Variants in ERC2 observed in about 807,000 individuals in gnomAD.
ERC2 encodes the protein ERC protein 2.
A neutral mutation model predicts 114.8 loss-of-function variants in ERC2; 42 were observed. The ratio of observed to expected loss-of-function variants is 0.37; its 90% CI spans 0.29 to 0.47. The LOEUF is 0.47. Among genes scored for constraint, ERC2 ranks in the 20% least tolerant of loss-of-function variants. ERC2 has a pLI of 0.99. For synonymous variants in ERC2, 454 were observed against 425.5 expected, an observed-to-expected ratio of 1.07 and a Z score of -0.82; for missense variants, 939 against 1,150.7, an observed-to-expected ratio of 0.82 and a Z score of 2.66.
At chr3:55,850,684 G>T (rs1375208235) in intron 14 of ERC2, among the ~76,000 whole-genome samples, 4 of 152,000 alleles carry the variant, frequency 2.6e-5, no homozygotes, top group Non-Finnish European at 4.4e-5. Flanking sequence ...ATAACATATG[G>T]GCCATTGCAG....
chr3:56,417,626 A>G (rs1425756403), intron 2 of ERC2, among the ~76,000 whole-genome samples: 1 of 152,226 alleles, frequency 6.6e-6, no homozygotes, highest in Non-Finnish European at 1.5e-5. Flanking sequence ...CATCTATTTT[A>G]CAGGTAAGGA....
intron 1 of ERC2, among the ~76,000 whole-genome samples, chr3:56,450,814 C>G (rs557454712): frequency 6.6e-6 from 1 of 151,990 alleles, no homozygotes; most frequent in Non-Finnish European, 1.5e-5. Context: ...CTGGGTGACA[C>G]AGAGAGACCT....
chr3:56,414,363 C>T (rs73832734), intron 2 of ERC2, among the ~76,000 whole-genome samples: 6,956 of 152,206 alleles, frequency 0.046, 394 homozygotes, highest in African/African-American at 0.13. Flanking sequence ...CAAAACAAGG[C>T]CCTTTCCCAT....
At chr3:56,227,313 T>C (rs745658545) in intron 3 of ERC2, among the ~76,000 whole-genome samples, 2 of 151,922 alleles carry the variant, frequency 1.3e-5, no homozygotes, top group African/African-American at 4.8e-5. Context: ...CCTGGGCAGT[T>C]TTTCTAAAGC....
chr3:55,547,506 A>T (rs1382606160), intron 17 of ERC2, among the ~76,000 whole-genome samples: 2 of 152,178 alleles, frequency 1.3e-5, no homozygotes, highest in East Asian at 3.9e-4. Context: ...AAACCAGTTT[A>T]AGGTCTTCTT....
At chr3:55,847,861 C>T (rs577417398) in intron 14 of ERC2, among the ~76,000 whole-genome samples, 19 of 152,176 alleles carry the variant, frequency 1.2e-4, no homozygotes, top group South Asian at 1.0e-3. Flanking sequence ...TGCGGTGGTG[C>T]GATCACAGCT....
chr3:55,548,095 G>T (rs997358358), intron 17 of ERC2, among the ~76,000 whole-genome samples: 1 of 152,218 alleles, frequency 6.6e-6, no homozygotes, highest in Non-Finnish European at 1.5e-5. Flanking sequence ...ACAGCAGGAG[G>T]TCTCCTCCAA....
chr3:56,007,430 A>G, intron 9 of ERC2, 109 bp from the exon 10 acceptor site: 12 of 1,002,684 alleles, frequency 1.2e-5, no homozygotes, highest in Non-Finnish European at 1.6e-5. Context: ...CAGTAGACAG[A>G]AAGGGTAAAT....
chr3:55,641,780 T>C (rs992885133), intron 17 of ERC2, among the ~76,000 whole-genome samples: 2 of 152,090 alleles, frequency 1.3e-5, no homozygotes, highest in African/African-American at 4.8e-5. Flanking sequence ...AGAGCAGAAA[T>C]TTCAACTTTA....
At position 55,622,928 on chromosome 3, in the gene ERC2, A is replaced by G. The variant is rs557387940; in HGVS notation, c.*39+60866T>C. ...CAAACCCAGAAAATGTTTCTAAACCAGAACATTCTGATTCAACACAAAATT... is the reference window on the plus strand; with the variant it reads ...CAAACCCAGAAAATGTTTCTAAACCGGAACATTCTGATTCAACACAAAATT... On this transcript the variant is annotated intron_variant, in intron 17 of 17. Coordinates refer to ENST00000288221, the MANE Select transcript of ERC2 (RefSeq NM_015576.3). Among the ~76,000 whole-genome samples the G allele has an allele frequency of 1.4e-4, 22 of 152,270 alleles. No homozygotes were observed. The Middle Eastern group carries it at 0.014, about 94-fold the overall frequency.
At chr3:56,260,335 G>C (rs1397063346) in intron 3 of ERC2, among the ~76,000 whole-genome samples, 1 of 137,466 alleles carries the variant, frequency 7.3e-6, no homozygotes, top group Non-Finnish European at 1.6e-5. Flanking sequence ...TAAAAGTTAA[G>C]TGAAAAGCTT....
intron 17 of ERC2, among the ~76,000 whole-genome samples, chr3:55,542,411 C>A (rs548315008): frequency 3.3e-5 from 5 of 152,248 alleles, no homozygotes; most frequent in Non-Finnish European, 5.9e-5. Flanking sequence ...ATTGGTTAAG[C>A]CAGCCTTGGG....
At chr3:55,850,294 A>G (rs924922031) in intron 14 of ERC2, among the ~76,000 whole-genome samples, 5 of 152,228 alleles carry the variant, frequency 3.3e-5, no homozygotes, top group Non-Finnish European at 7.3e-5. Context: ...AATAAAGTCC[A>G]TTCTGAGGTT....
chr3:56,449,599 A>C (rs930940929), intron 1 of ERC2, among the ~76,000 whole-genome samples: 7 of 152,238 alleles, frequency 4.6e-5, no homozygotes, highest in African/African-American at 1.7e-4. Context: ...AAAAAGGAAA[A>C]GAGGAGCCTC....
At chr3:56,067,939 T>C (rs1414236040) in intron 7 of ERC2, among the ~76,000 whole-genome samples, 1 of 152,224 alleles carries the variant, frequency 6.6e-6, no homozygotes, top group Non-Finnish European at 1.5e-5. Context: ...GGATTCAGTT[T>C]GCCAGTATAT....
intron 17 of ERC2, among the ~76,000 whole-genome samples, chr3:55,663,733 T>C (rs1408377805): frequency 6.6e-6 from 1 of 152,208 alleles, no homozygotes; most frequent in Non-Finnish European, 1.5e-5. Flanking sequence ...TTTTTTACTT[T>C]TATAGTTCTA....
At chr3:56,245,907 C>T (rs2051664058) in intron 3 of ERC2, among the ~76,000 whole-genome samples, 1 of 152,030 alleles carries the variant, frequency 6.6e-6, no homozygotes, top group African/African-American at 2.4e-5. Flanking sequence ...GAGATAGCTC[C>T]AGACATGGCA....
chr3:56,118,794 G>C (rs373278037), intron 6 of ERC2, among the ~76,000 whole-genome samples: 1 of 151,798 alleles, frequency 6.6e-6, no homozygotes, highest in South Asian at 2.1e-4. Context: ...CCGCCACCAC[G>C]CCCGGCTAAT....
intron 4 of ERC2, among the ~76,000 whole-genome samples, chr3:56,162,536 G>A (rs1172424716): frequency 6.6e-6 from 1 of 151,978 alleles, no homozygotes; most frequent in Non-Finnish European, 1.5e-5. Context: ...TAGGTTTTTT[G>A]TTACTTATTC....
Sources: allele counts gnomAD v4.1 joint callset (sites outside exome capture counted in the v4.1 genomes callset), GRCh38; gene constraint gnomAD v4.1.1; transcripts MANE v1.5; gene names NCBI Gene and HGNC (gene_info 2026-07-23, HGNC 2026-07-21).